Variants in LOC128092253 observed in about 807,000 individuals in gnomAD.
At chr6:133,966,088 CAGAG>C in the LOC128092253 span, among the ~76,000 whole-genome samples, 268 of 152,106 alleles carry the variant, frequency 1.8e-3, 1 homozygote, top group African/African-American at 4.8e-3. Context: ...CAGAAAGAAA[CAGAG>C]AGAGAGTGTG....
At chr6:133,974,657 G>A in the LOC128092253 span, among the ~76,000 whole-genome samples, 4 of 152,190 alleles carry the variant, frequency 2.6e-5, no homozygotes, top group Admixed American at 2.6e-4. Context: ...GTTACTGGTT[G>A]ACTATAGTTC....
chr6:133,953,608 G>A, the LOC128092253 span, among the ~76,000 whole-genome samples: 1 of 152,122 alleles, frequency 6.6e-6, no homozygotes, highest in African/African-American at 2.4e-5. Context: ...TCCGGTGGCC[G>A]AGGGAGGGCT....
the LOC128092253 span, among the ~76,000 whole-genome samples, chr6:133,979,538 A>G: frequency 6.6e-6 from 1 of 152,096 alleles, no homozygotes; most frequent in African/African-American, 2.4e-5. Flanking sequence ...GTCAAGTAAA[A>G]GTTACTTTTT....
At chr6:133,976,625 A>T in the LOC128092253 span, among the ~76,000 whole-genome samples, 1 of 152,190 alleles carries the variant, frequency 6.6e-6, no homozygotes, top group African/African-American at 2.4e-5. Flanking sequence ...TGTTTAACCC[A>T]TCGATAAATT....
At chr6:133,972,408 AG>A in the LOC128092253 span, among the ~76,000 whole-genome samples, 1 of 152,232 alleles carries the variant, frequency 6.6e-6, no homozygotes, top group African/African-American at 2.4e-5. Flanking sequence ...ATTAAAAATA[AG>A]GGCCTTACAT....
the LOC128092253 span, among the ~76,000 whole-genome samples, chr6:133,971,694 A>G: frequency 2.0e-5 from 3 of 151,846 alleles, no homozygotes; most frequent in Non-Finnish European, 4.4e-5. Context: ...GTGATGTTGA[A>G]CATTTTTTCA....
chr6:133,966,611 C>T, the LOC128092253 span, among the ~76,000 whole-genome samples: 40 of 152,270 alleles, frequency 2.6e-4, no homozygotes, highest in Admixed American at 1.9e-3. Context: ...TGTCCAAAAC[C>T]GAATTGTTAA....
the LOC128092253 span, among the ~76,000 whole-genome samples, chr6:133,969,938 C>T: frequency 6.6e-6 from 1 of 152,160 alleles, no homozygotes; most frequent in Non-Finnish European, 1.5e-5. Context: ...ATATGTTAGG[C>T]TCCTGGGATT....
chr6:133,959,904 T>C, the LOC128092253 span, among the ~76,000 whole-genome samples: 1 of 152,248 alleles, frequency 6.6e-6, no homozygotes, highest in Non-Finnish European at 1.5e-5. Flanking sequence ...ATTTGATTTA[T>C]GACTGTGGAC....
At chr6:133,974,482 C>T in the LOC128092253 span, among the ~76,000 whole-genome samples, 1 of 152,120 alleles carries the variant, frequency 6.6e-6, no homozygotes, top group Non-Finnish European at 1.5e-5. Context: ...TACAGGCGTG[C>T]ACCACCACGC....
the LOC128092253 span, among the ~76,000 whole-genome samples, chr6:133,973,228 T>G: frequency 6.6e-6 from 1 of 152,214 alleles, no homozygotes; most frequent in African/African-American, 2.4e-5. Flanking sequence ...GAGCTATCTC[T>G]AGGAGACCAT....
chr6:133,958,820 A>G, the LOC128092253 span, among the ~76,000 whole-genome samples: 1 of 152,124 alleles, frequency 6.6e-6, no homozygotes, highest in African/African-American at 2.4e-5. Flanking sequence ...GTGCAGGGTA[A>G]AGTGTTATAA....
At chr6:133,967,562 T>C in the LOC128092253 span, among the ~76,000 whole-genome samples, 5 of 152,340 alleles carry the variant, frequency 3.3e-5, no homozygotes, top group African/African-American at 1.2e-4. Context: ...CGGTAGAATC[T>C]ACTACACACC....
chr6:133,959,020 T>A, the LOC128092253 span, among the ~76,000 whole-genome samples: 9 of 152,126 alleles, frequency 5.9e-5, no homozygotes, highest in African/African-American at 2.2e-4. Context: ...TAGTTTTAGA[T>A]ACCCTGAGGA....
chr6:133,955,312 C>CT, the LOC128092253 span, among the ~76,000 whole-genome samples: 1 of 150,914 alleles, frequency 6.6e-6, no homozygotes, highest in East Asian at 1.9e-4. Flanking sequence ...AATGCAGTGT[C>CT]TGCTTTCCCT....
At chr6:133,965,463 G>A in the LOC128092253 span, among the ~76,000 whole-genome samples, 983 of 152,018 alleles carry the variant, frequency 6.5e-3, 9 homozygotes, top group Middle Eastern at 0.034. Context: ...TACCTATTTC[G>A]TAACATGTAG....
chr6:133,966,942 G>A, the LOC128092253 span, among the ~76,000 whole-genome samples: 63 of 152,238 alleles, frequency 4.1e-4, no homozygotes, highest in African/African-American at 1.4e-3. Flanking sequence ...ATGCAAATAC[G>A]TGATGTCAGT....
chr6:133,963,112 A>G, the LOC128092253 span, among the ~76,000 whole-genome samples: 1 of 152,216 alleles, frequency 6.6e-6, no homozygotes, highest in African/African-American at 2.4e-5. Flanking sequence ...AAGACAGATT[A>G]TGCTGGTTTA....
the LOC128092253 span, among the ~76,000 whole-genome samples, chr6:133,955,165 T>A: frequency 1.3e-5 from 2 of 151,212 alleles, no homozygotes; most frequent in African/African-American, 4.9e-5. Flanking sequence ...GGGTTATCTT[T>A]GTGCATATGA....
Sources: gnomAD v4.1 joint callset for allele counts (sites outside exome capture counted in the v4.1 genomes callset) on GRCh38, gnomAD v4.1.1 for gene constraint, MANE v1.5 for transcripts.